Variants in ANK2 observed in about 807,000 individuals in gnomAD.
The protein encoded by ANK2 is ankyrin-2.
ANK2 carries 83 observed loss-of-function variants against 360.5 expected under a neutral mutation model. The ratio of observed to expected loss-of-function variants is 0.23; its 90% CI spans 0.19 to 0.28. The LOEUF is 0.28. Ranked by LOEUF, ANK2 falls within the 10% of genes least tolerant of loss-of-function variation. ANK2 has a pLI of 1.00. For missense variants in ANK2, 4,201 were observed against 4,795.7 expected, an observed-to-expected ratio of 0.88 and a Z score of 3.66; for synonymous variants, 1,740 against 1,759.5, an observed-to-expected ratio of 0.99 and a Z score of 0.28.
At chr4:113,255,378 C>T (rs1056129450) in intron 10 of ANK2, among the ~76,000 whole-genome samples, 4 of 152,194 alleles carry the variant, frequency 2.6e-5, no homozygotes, top group Admixed American at 2.0e-4. Flanking sequence ...TAAGTGAATG[C>T]AGACTGCTAT....
intron 1 of ANK2, among the ~76,000 whole-genome samples, chr4:112,842,736 T>C (rs528244094): frequency 6.6e-6 from 1 of 152,332 alleles, no homozygotes; most frequent in South Asian, 2.1e-4. Context: ...CCGCTTCCTG[T>C]TGGGCCGCAG....
chr4:113,318,823 TAA>T lies in ANK2; in HGVS notation c.2900+209_2900+210del, dbSNP rs1588101102. ...CAGCAAAAAAGATTGAATTCAGCAT[TAA>T]AAAAACTGACTATTGTTTTAAAACA... is the stretch of plus-strand genomic sequence containing the variant. On this transcript the variant is annotated intron_variant, in intron 26 of 45. Transcript: ENST00000357077. Among the ~76,000 whole-genome samples, 7 of 152,248 alleles carry T rather than the reference TAA, an allele frequency of 4.6e-5. No individual in the cohort carries two copies. In the South Asian group the frequency reaches 1.5e-3, roughly 32 times the overall value.
At chr4:112,789,197 G>C in the ANK2 span, among the ~76,000 whole-genome samples, 58 of 152,224 alleles carry the variant, frequency 3.8e-4, no homozygotes, top group African/African-American at 1.4e-3. Context: ...GTTCAGAAAG[G>C]ACTCAAAAGG....
chr4:113,349,780 C>CT (rs2095277488), intron 36 of ANK2, among the ~76,000 whole-genome samples: 1 of 152,218 alleles, frequency 6.6e-6, no homozygotes, highest in African/African-American at 2.4e-5. Context: ...AGTTCATATT[C>CT]TTTTCAGGAT....
At chr4:113,043,086 G>A (rs2063366298) in intron 2 of ANK2, among the ~76,000 whole-genome samples, 1 of 152,028 alleles carries the variant, frequency 6.6e-6, no homozygotes, top group Non-Finnish European at 1.5e-5. Context: ...AATATCTGTT[G>A]GATGAATAAA....
intron 4 of ANK2, among the ~76,000 whole-genome samples, chr4:113,201,546 G>C (rs911316072): frequency 6.6e-6 from 1 of 152,196 alleles, no homozygotes; most frequent in Non-Finnish European, 1.5e-5. Context: ...TGAAAGCCTG[G>C]TTAAATTCAA....
chr4:112,838,817 C>T (rs549489608), intron 1 of ANK2, among the ~76,000 whole-genome samples: 2 of 152,294 alleles, frequency 1.3e-5, no homozygotes, highest in South Asian at 4.1e-4. Flanking sequence ...TGCCGTGAGT[C>T]GAGATTGTGC....
At chr4:112,768,539 C>G in the ANK2 span, among the ~76,000 whole-genome samples, 1 of 151,872 alleles carries the variant, frequency 6.6e-6, no homozygotes, top group Non-Finnish European at 1.5e-5. Context: ...CAGGCATGAG[C>G]CACCGCACCC....
the ANK2 span, among the ~76,000 whole-genome samples, chr4:112,743,851 A>C: frequency 5.3e-5 from 7 of 130,946 alleles, no homozygotes; most frequent in African/African-American, 1.2e-4. Flanking sequence ...GGCCTCTTTT[A>C]TTTTCTTTTT....
At chr4:113,257,185 T>C (rs1399289594) in intron 11 of ANK2, among the ~76,000 whole-genome samples, 1 of 152,210 alleles carries the variant, frequency 6.6e-6, no homozygotes, top group Admixed American at 6.5e-5. Flanking sequence ...AATTGTTAGC[T>C]GGCAGAATAG....
chr4:112,849,967 G>C (rs2064267636), intron 1 of ANK2, among the ~76,000 whole-genome samples: 1 of 152,156 alleles, frequency 6.6e-6, no homozygotes, highest in African/African-American at 2.4e-5. Flanking sequence ...AAAAGGTGAA[G>C]GAAGGGTGAA....
intron 4 of ANK2, among the ~76,000 whole-genome samples, chr4:113,223,345 G>A (rs1021030103): frequency 3.3e-5 from 5 of 152,042 alleles, no homozygotes; most frequent in Admixed American, 6.6e-5. Flanking sequence ...CAAAAGATGG[G>A]GTGCTTCTTC....
rs761805011 is a variant in ANK2, at chr4:113,288,468, T to C, written c.2259T>C (p.Asn753=). ...MVNFLLKQGA[N]VNAKTKNGYT... The stretch of plus-strand genomic sequence containing the variant: ...ACTTTCTTCTGAAGCAGGGAGCAAA[T>C]GTTAACGCAAAAACCAAGGTAAAGT... Residue 753 remains asparagine (N), a synonymous_variant, in exon 20 of 46, where the codon AAT becomes AAC. Transcript: ENST00000357077. 6.2e-6 allele frequency: 10 copies of C among 1,613,742 alleles called. No individual in the cohort carries two copies. The highest frequency in any genetic ancestry group is 8.5e-6 in the Non-Finnish European group (10 of 1,179,816).
intron 2 of ANK2, among the ~76,000 whole-genome samples, chr4:112,982,755 G>C (rs1017353987): frequency 6.6e-6 from 1 of 151,658 alleles, no homozygotes; most frequent in Non-Finnish European, 1.5e-5. Flanking sequence ...ATAAAAACTA[G>C]TCAAAGTCAA....
chr4:112,890,294 ATGAGCCT>A (rs2079569268), intron 1 of ANK2, among the ~76,000 whole-genome samples: 1 of 152,170 alleles, frequency 6.6e-6, no homozygotes, highest in African/African-American at 2.4e-5. Context: ...TTCCCTCAAG[ATGAGCCT>A]TGAAACTTGG....
chr4:113,267,125 A>T (rs1376925907), intron 14 of ANK2, among the ~76,000 whole-genome samples: 5 of 152,196 alleles, frequency 3.3e-5, no homozygotes, highest in Admixed American at 3.3e-4. Flanking sequence ...AATTTGTTTA[A>T]GTTCCTTGTC....
chr4:113,043,835 A>G (rs2063573403), intron 2 of ANK2, among the ~76,000 whole-genome samples: 1 of 152,148 alleles, frequency 6.6e-6, no homozygotes, highest in Non-Finnish European at 1.5e-5. Context: ...TTATTGAGGA[A>G]GAGAGGCAGG....
intron 1 of ANK2, among the ~76,000 whole-genome samples, chr4:113,164,682 A>G (rs1011879313): frequency 2.6e-5 from 4 of 152,240 alleles, no homozygotes; most frequent in African/African-American, 9.6e-5. Flanking sequence ...GCATAATGAA[A>G]AATTGATGAA....
intron 26 of ANK2, 69 bp downstream of exon 26, chr4:113,318,689 GT>G: frequency 7.5e-7 from 1 of 1,325,186 alleles, no homozygotes; most frequent in South Asian, 1.3e-5. Flanking sequence ...CAACAGCTTT[GT>G]CCAGTAGCTT....
Sources: allele counts gnomAD v4.1 joint callset (sites outside exome capture counted in the v4.1 genomes callset), GRCh38; gene constraint gnomAD v4.1.1; transcripts MANE v1.5; gene names NCBI Gene and HGNC (gene_info 2026-07-23, HGNC 2026-07-21).